TMEM132D: variants seen among roughly 807,000 people sequenced by gnomAD.
TMEM132D encodes the protein mature OL transmembrane protein.
TMEM132D carries 21 observed loss-of-function variants against 62.3 expected under a neutral mutation model. That is an observed-to-expected ratio of 0.34 (90% confidence interval 0.24 to 0.49). The LOEUF (loss-of-function observed/expected upper bound fraction) is 0.49. TMEM132D is among the 20% of genes least tolerant of loss of function. The pLI is 0.99. For missense variants in TMEM132D, 1,346 were observed against 1,402.8 expected (o/e 0.96, Z 0.65); for synonymous variants, 621 against 575.6 (o/e 1.08, Z -1.13).
At position 129,774,351 on chromosome 12, in the gene TMEM132D, G is replaced by A. The variant is rs145678407; in HGVS notation, c.80-73653C>T. 1.4e-3 allele frequency among the ~76,000 whole-genome samples: 214 copies of A among 152,160 alleles called. 1 individual carries two copies. The highest frequency in any genetic ancestry group is 4.9e-3 in the African/African-American group (204 of 41,496). ...CTGGGCCCACCCTTCAGATCTCAAG[G>A]TGACCTGCCCTGGGTCCAACCTCAT... On this transcript the variant is annotated intron_variant, in intron 1 of 8. Coordinates refer to ENST00000422113, the MANE Select transcript of TMEM132D (RefSeq NM_133448.3).
intron 2 of TMEM132D, among the ~76,000 whole-genome samples, chr12:129,572,787 A>G (rs1430992842): frequency 6.6e-6 from 1 of 151,534 alleles, no homozygotes; most frequent in African/African-American, 2.4e-5. Context: ...CACTAACCCC[A>G]GTACCTCTGC....
chr12:129,532,408 G>A (rs562247518), intron 2 of TMEM132D, among the ~76,000 whole-genome samples: 2 of 152,314 alleles, frequency 1.3e-5, no homozygotes, highest in African/African-American at 4.8e-5. Context: ...ACCATCTTCT[G>A]CTATTAATAT....
intron 1 of TMEM132D, among the ~76,000 whole-genome samples, chr12:129,747,625 GACAC>G (rs535919273): frequency 4.1e-5 from 6 of 145,278 alleles, no homozygotes; most frequent in Admixed American, 6.9e-5. Context: ...ACACAACACA[GACAC>G]ACACAGTCAG....
intron 4 of TMEM132D, among the ~76,000 whole-genome samples, chr12:129,318,869 C>T (rs1868577895): frequency 6.6e-6 from 1 of 152,090 alleles, no homozygotes; most frequent in Non-Finnish European, 1.5e-5. Flanking sequence ...TTATGGCTGC[C>T]TCTGCTGAGT....
chr12:129,736,232 T>C (rs1289135602), intron 1 of TMEM132D, among the ~76,000 whole-genome samples: 2 of 152,244 alleles, frequency 1.3e-5, no homozygotes, highest in Admixed American at 6.5e-5. Flanking sequence ...TTTATAGATT[T>C]CTCATTTATA....
chr12:129,431,344 G>T (rs894132611), intron 3 of TMEM132D, among the ~76,000 whole-genome samples: 33 of 152,160 alleles, frequency 2.2e-4, no homozygotes, highest in Non-Finnish European at 4.0e-4. Context: ...AGATTTTCCA[G>T]AAGCCAAATT....
At chr12:129,332,006 T>C (rs1012969509) in intron 4 of TMEM132D, among the ~76,000 whole-genome samples, 5 of 151,836 alleles carry the variant, frequency 3.3e-5, no homozygotes, top group Admixed American at 3.3e-4. Context: ...AGGCCAGGAG[T>C]TCGAGACTAG....
At chr12:129,722,435 G>A (rs1868872768) in intron 1 of TMEM132D, among the ~76,000 whole-genome samples, 2 of 152,180 alleles carry the variant, frequency 1.3e-5, no homozygotes, top group African/African-American at 4.8e-5. Flanking sequence ...TCGAACCCCA[G>A]CACTGGAATT....
chr12:129,289,817 G>C (rs1881402467), intron 4 of TMEM132D, among the ~76,000 whole-genome samples: 3 of 152,154 alleles, frequency 2.0e-5, no homozygotes, highest in African/African-American at 7.2e-5. Flanking sequence ...TTTAAGTCCA[G>C]CCTGGACAAC....
chr12:129,372,578 G>T (rs1870646860), intron 3 of TMEM132D, among the ~76,000 whole-genome samples: 1 of 97,290 alleles, frequency 1.0e-5, no homozygotes, highest in Non-Finnish European at 2.4e-5. Context: ...GTCAGATCAG[G>T]ATCAGCAGTG....
At position 129,120,670 on chromosome 12, in the gene TMEM132D, T is replaced by A. The variant is rs185745556; in HGVS notation, c.1444-35968A>T. 3.3e-3 allele frequency among the ~76,000 whole-genome samples: 510 copies of A among 152,306 alleles called. 1 individual carries two copies. The highest frequency in any genetic ancestry group is 5.4e-3 in the Admixed American group (82 of 15,298). ...AACCAGCCTGTGGTTTAGTTAATAGTATAGATAGATAAGTACAATATTCAT... is the reference window on the plus strand; with the variant it reads ...AACCAGCCTGTGGTTTAGTTAATAGAATAGATAGATAAGTACAATATTCAT... On this transcript the variant is annotated intron_variant, in intron 5 of 8. Transcript: ENST00000422113.
chr12:129,396,067 A>G (rs1003028971), intron 3 of TMEM132D, among the ~76,000 whole-genome samples: 4 of 149,420 alleles, frequency 2.7e-5, no homozygotes, highest in Non-Finnish European at 5.9e-5. Context: ...ATGTCTATAT[A>G]TTATGTATCT....
At chr12:129,596,151 T>A (rs970073112) in intron 2 of TMEM132D, among the ~76,000 whole-genome samples, 1 of 152,138 alleles carries the variant, frequency 6.6e-6, no homozygotes, top group African/African-American at 2.4e-5. Flanking sequence ...TTGTGGGCCA[T>A]AGTGGAGATG....
At chr12:129,332,989 G>T (rs1869159145) in intron 4 of TMEM132D, among the ~76,000 whole-genome samples, 1 of 152,076 alleles carries the variant, frequency 6.6e-6, no homozygotes, top group Admixed American at 6.5e-5. Flanking sequence ...CACTTACAAT[G>T]GTTAAGATGG....
intron 3 of TMEM132D, among the ~76,000 whole-genome samples, chr12:129,530,839 G>A (rs1044803437): frequency 7.2e-5 from 11 of 152,172 alleles, no homozygotes; most frequent in African/African-American, 1.7e-4. Flanking sequence ...CAGGTGATAC[G>A]GTGCTCTGCT....
At chr12:129,153,293 T>C (rs1282701779) in intron 5 of TMEM132D, among the ~76,000 whole-genome samples, 1 of 152,220 alleles carries the variant, frequency 6.6e-6, no homozygotes, top group Non-Finnish European at 1.5e-5. Context: ...TGCCTGTGGT[T>C]CTTCGGGGAG....
At chr12:129,491,387 A>C (rs769201992) in intron 3 of TMEM132D, among the ~76,000 whole-genome samples, 1 of 152,162 alleles carries the variant, frequency 6.6e-6, no homozygotes, top group Non-Finnish European at 1.5e-5. Context: ...TGTGGCCCAG[A>C]GCTAAACTCC....
chr12:129,432,760 A>G (rs1247777763), intron 3 of TMEM132D, among the ~76,000 whole-genome samples: 3 of 152,222 alleles, frequency 2.0e-5, no homozygotes, highest in Non-Finnish European at 4.4e-5. Context: ...ATTAAGGAGG[A>G]TACATGTTTT....
chr12:129,135,153 G>A (rs1876521904), intron 5 of TMEM132D, among the ~76,000 whole-genome samples: 1 of 152,200 alleles, frequency 6.6e-6, no homozygotes, highest in Admixed American at 6.5e-5. Context: ...GAGAGGTTGG[G>A]AAGAACCACT....
Sources: allele counts gnomAD v4.1 joint callset (sites outside exome capture counted in the v4.1 genomes callset), GRCh38; gene constraint gnomAD v4.1.1; transcripts MANE v1.5; gene names NCBI Gene and HGNC (gene_info 2026-07-23, HGNC 2026-07-21).